Variants in AMIGO1 observed in about 807,000 individuals in gnomAD.
AMIGO1 encodes adhesion molecule with Ig like domain 1, also known as amphoterin-induced protein 1.
For missense variants in AMIGO1, 361 were observed against 612.3 expected (o/e 0.59, Z 4.33); for synonymous variants, 249 against 266.3 (o/e 0.93, Z 0.63).
chr1:109,505,327 G>C lies in AMIGO1; in HGVS notation c.*2104C>G, dbSNP rs1375170640. ...TCAGTGCCATGGAGATGTGGGTGAA[G>C]CTTCAGGGAGTTCAGAAATGAAAAT... On this transcript the variant is annotated 3_prime_UTR_variant, in exon 2 of 2. Coordinates refer to ENST00000369864, the MANE Select transcript of AMIGO1 (RefSeq NM_020703.4). The C allele has an allele frequency of 6.6e-6, 1 of 152,324 alleles. No individual in the cohort carries two copies. Among genetic ancestry groups the C allele is most frequent in the Non-Finnish European group, 1.5e-5 (1 of 68,036 alleles). The allele number at this position is 152,324 out of a possible 1,614,324, so 9.4% of individuals were successfully genotyped here.
Position 109,505,143 on chromosome 1 carries a change from T to A in AMIGO1, c.*2288A>T, listed in dbSNP as rs1460558173. 6.6e-6 allele frequency: 1 copy of A among 152,252 alleles called. No individual in the cohort carries two copies. The highest frequency in any genetic ancestry group is 1.5e-5 in the Non-Finnish European group (1 of 68,046). The allele number at this position is 152,252 out of a possible 1,614,324, so 9.4% of individuals were successfully genotyped here. Reference sequence around the variant, plus strand: ...GCCAGTTTCCTTCTGAGTCCTTCAATGACCTAGTTCTATCTTAATTGCTCA... The same window carrying A: ...GCCAGTTTCCTTCTGAGTCCTTCAAAGACCTAGTTCTATCTTAATTGCTCA... On this transcript the variant is annotated 3_prime_UTR_variant, in exon 2 of 2. Coordinates refer to ENST00000369864, the MANE Select transcript of AMIGO1 (RefSeq NM_020703.4).
rs149188606 is a variant in AMIGO1 at position 109,507,708 on chromosome 1, C to T, written c.1205G>A (p.Gly402Asp). The T allele has an allele frequency of 1.4e-4, 221 of 1,614,034 alleles. 1 individual carries two copies. The highest frequency in any genetic ancestry group is 1.7e-4 in the Non-Finnish European group (198 of 1,180,044). ...YLTPCRCWCR[G>D]VEKPSSHQGD... ...TTGATGGCTGGAAGGCTTCTCTACA[C>T]CCCGGCACCAGCAGCGGCAAGGGGT... is the stretch of plus-strand genomic sequence containing the variant. Residue 402 changes from glycine to aspartate, a missense_variant, in exon 2 of 2, where the codon GGT becomes GAT. Transcript: ENST00000369864. The surrounding 1 kb of genome is among the most constrained non-coding windows in gnomAD (Gnocchi z 4.7).
Position 109,507,272 on chromosome 1 carries a change from C to T in AMIGO1, c.*159G>A. 1 of 1,020,800 alleles carries T rather than the reference C, an allele frequency of 9.8e-7. No individual in the cohort carries two copies. Among genetic ancestry groups the T allele is most frequent in the Non-Finnish European group, 1.4e-6 (1 of 710,944 alleles). 63.2% of individuals were successfully genotyped at this position (1,020,800 alleles called of 1,614,324 possible). A position where few individuals can be genotyped will look rare whatever the true frequency, so the allele number is the denominator to read the frequency against. On this transcript the variant is annotated 3_prime_UTR_variant, in exon 2 of 2. Coordinates refer to ENST00000369864, the MANE Select transcript of AMIGO1 (RefSeq NM_020703.4). This position sits in a 1 kb window ranked among gnomAD's most constrained non-coding sequence, Gnocchi z 4.7. ...ATTTGAAAATCGTGGCAGCCACGCC[C>T]TGTTTGGGGTCTTGCTCTCTGTTGT... is the stretch of plus-strand genomic sequence containing the variant.
At chr1:109,509,386 G>T (rs1304000160) in intron 1 of AMIGO1, 34 bp downstream of exon 1, 2 of 160,106 alleles carry the variant, frequency 1.2e-5, no homozygotes, top group African/African-American at 4.8e-5. Flanking sequence ...GGCCTGTAGG[G>T]GCGGGCTCCC....
chr1:109,509,018 G>A lies in AMIGO1; in HGVS notation c.-87-19C>T. 1 of 1,321,730 alleles carries A rather than the reference G, an allele frequency of 7.6e-7. No individual in the cohort carries two copies. Among genetic ancestry groups the A allele is most frequent in the Non-Finnish European group, 1.0e-6 (1 of 984,908 alleles). 81.9% of individuals were successfully genotyped at this position (1,321,730 alleles called of 1,614,324 possible). ...AGGGTCACTTGAGAGAAAGAGGATG[G>A]GTTTGTGGTCACCAAGGACTCCAGA... is the stretch of plus-strand genomic sequence containing the variant. On this transcript the variant is annotated intron_variant, in intron 1 of 1. Coordinates refer to ENST00000369864, the MANE Select transcript of AMIGO1 (RefSeq NM_020703.4).
rs1658115609 is a variant in AMIGO1 at position 109,509,515 on chromosome 1, C to G, written c.-183G>C. ...CTCACCGGCCGGCCTGTCACTGCGC[C>G]CACCTTACGCAGGGGCCCGCGCCCG... On this transcript the variant is annotated 5_prime_UTR_variant, in exon 1 of 2. Coordinates refer to ENST00000369864, the MANE Select transcript of AMIGO1 (RefSeq NM_020703.4). The G allele has an allele frequency of 6.6e-6, 1 of 152,204 alleles. No homozygotes were observed. Among genetic ancestry groups the G allele is most frequent in the Admixed American group, 6.5e-5 (1 of 15,276 alleles). 9.4% of individuals were successfully genotyped at this position (152,204 alleles called of 1,614,324 possible).
chr1:109,508,856 C>T lies in AMIGO1; in HGVS notation c.57G>A (p.Leu19=), dbSNP rs771234042. The change falls in exon 2 of 2, where the codon CTG becomes CTA. Residue 19 remains leucine (L), a synonymous_variant. Coordinates refer to ENST00000369864, the MANE Select transcript of AMIGO1 (RefSeq NM_020703.4). The surrounding 1 kb of genome is among the most constrained non-coding windows in gnomAD (Gnocchi z 7.8). ...CAGCTCTGGCCACCTCAAAAAGCAG[C>T]AGGGACAAGGACGGCAGCAGGAGCC... ...GLWLLLPSLS[L]LLFEVARAGR... 1 of 1,610,422 alleles carries T rather than the reference C, an allele frequency of 6.2e-7. No homozygotes were observed. The highest frequency in any genetic ancestry group is 1.1e-5 in the South Asian group (1 of 90,574).
At position 109,508,764 on chromosome 1, in the gene AMIGO1, T is replaced by C; in HGVS notation, c.149A>G (p.Gln50Arg). 2 of 1,614,034 alleles carry C rather than the reference T, an allele frequency of 1.2e-6. No individual in the cohort carries two copies. The highest frequency in any genetic ancestry group is 2.2e-5 in the East Asian group (1 of 44,866). The change falls in exon 2 of 2, where the codon CAG becomes CGG. Residue 50 changes from glutamine (Q) to arginine (R), a missense_variant. Coordinates refer to ENST00000369864, the MANE Select transcript of AMIGO1 (RefSeq NM_020703.4). This position sits in a 1 kb window ranked among gnomAD's most constrained non-coding sequence, Gnocchi z 7.8. ...GGAATGGGGCACATTGGGCAGCTGC[T>C]GCTTGGAGCAGCTGAGGATGTTGCT... is the stretch of plus-strand genomic sequence containing the variant. ...CASNILSCSKQQLPNVPHSLP... is the reference protein window; with the variant it reads ...CASNILSCSKRQLPNVPHSLP...
chr1:109,505,418 T>G lies in AMIGO1; in HGVS notation c.*2013A>C. ...TCTCCTAAAGAGGAATACAATTGTG[T>G]GCATGAAGTTGTGCACATTGGTGGA... On this transcript the variant is annotated 3_prime_UTR_variant, in exon 2 of 2. Coordinates refer to ENST00000369864, the MANE Select transcript of AMIGO1 (RefSeq NM_020703.4). The G allele has an allele frequency of 6.6e-6, 1 of 152,202 alleles. No homozygotes were observed. The allele number at this position is 152,202 out of a possible 1,614,324, so 9.4% of individuals were successfully genotyped here. A position where few individuals can be genotyped will look rare whatever the true frequency, so the allele number is the denominator to read the frequency against.
Position 109,508,715 on chromosome 1 carries a change from C to T in AMIGO1, c.198G>A (p.Leu66=). Residue 66 remains leucine, a synonymous_variant, in exon 2 of 2, where the codon CTG becomes CTA. Transcript: ENST00000369864. The surrounding 1 kb of genome is among the most constrained non-coding windows in gnomAD (Gnocchi z 7.8). ...PHSLPSYTAL[L]DLSHNNLSRL... is the part of the protein sequence containing the mutation. The stretch of plus-strand genomic sequence containing the variant: ...GGCTCAGGTTGTTGTGACTGAGGTC[C>T]AGTAGTGCTGTGTAACTGGGCAAGG... The T allele has an allele frequency of 1.9e-6, 3 of 1,613,994 alleles. No individual in the cohort carries two copies. The highest frequency in any genetic ancestry group is 2.5e-6 in the Non-Finnish European group (3 of 1,179,978).
In AMIGO1 at chr1:109,508,804, C is replaced by G. The variant is rs767189663; in HGVS notation, c.109G>C (p.Ala37Pro). The G allele has an allele frequency of 1.7e-5, 27 of 1,613,810 alleles. No individual in the cohort carries two copies. Among genetic ancestry groups the G allele is most frequent in the Non-Finnish European group, 2.3e-5 (27 of 1,179,978 alleles). The change falls in exon 2 of 2, where the codon GCC (alanine) becomes CCC (proline). Residue 37 changes from alanine to proline, a missense_variant. Coordinates refer to ENST00000369864, the MANE Select transcript of AMIGO1 (RefSeq NM_020703.4). The surrounding 1 kb of genome is among the most constrained non-coding windows in gnomAD (Gnocchi z 7.8). ...AGGATGTTGCTGGCGCACAAGCAGGCGGCAGGACAGCTAACCACGGCTCGG... is the reference window on the plus strand; with the variant it reads ...AGGATGTTGCTGGCGCACAAGCAGGGGGCAGGACAGCTAACCACGGCTCGG... The part of the protein sequence containing the change: ...AGRAVVSCPA[A>P]CLCASNILSC...
In AMIGO1 at chr1:109,507,241, A is replaced by AC; in HGVS notation, c.*189dup. ...GTAGCATTTGCCTGAGGATTAATAT[A>AC]CCCCCATTTGAAAATCGTGGCAGCC... On this transcript the variant is annotated 3_prime_UTR_variant, in exon 2 of 2. Coordinates refer to ENST00000369864, the MANE Select transcript of AMIGO1 (RefSeq NM_020703.4). This position sits in a 1 kb window ranked among gnomAD's most constrained non-coding sequence, Gnocchi z 4.7. 1.5e-6 allele frequency: 1 copy of AC among 667,070 alleles called. No individual in the cohort carries two copies. Among genetic ancestry groups the AC allele is most frequent in the East Asian group, 2.8e-5 (1 of 35,472 alleles). The allele number at this position is 667,070 out of a possible 1,614,324, so 41.3% of individuals were successfully genotyped here.
In AMIGO1 at chr1:109,507,219, G is replaced by A; in HGVS notation, c.*212C>T. The A allele has an allele frequency of 1.7e-6, 1 of 586,410 alleles. No individual in the cohort carries two copies. The highest frequency in any genetic ancestry group is 2.9e-6 in the Non-Finnish European group (1 of 340,680). 36.3% of individuals were successfully genotyped at this position (586,410 alleles called of 1,614,324 possible). On this transcript the variant is annotated 3_prime_UTR_variant, in exon 2 of 2. Coordinates refer to ENST00000369864, the MANE Select transcript of AMIGO1 (RefSeq NM_020703.4). This position sits in a 1 kb window ranked among gnomAD's most constrained non-coding sequence, Gnocchi z 4.7. ...TGGCAGGGCTTTGGGTACGGGTGTA[G>A]CATTTGCCTGAGGATTAATATACCC...
In AMIGO1 at chr1:109,505,044, G is replaced by C. The variant is rs183832046; in HGVS notation, c.*2387C>G. The C allele has an allele frequency of 6.6e-6, 1 of 152,284 alleles. No homozygotes were observed. The highest frequency in any genetic ancestry group is 1.9e-4 in the East Asian group (1 of 5,184). 9.4% of individuals were successfully genotyped at this position (152,284 alleles called of 1,614,324 possible). A position where few individuals can be genotyped will look rare whatever the true frequency, so the allele number is the denominator to read the frequency against. On this transcript the variant is annotated 3_prime_UTR_variant, in exon 2 of 2. Transcript: ENST00000369864. The stretch of plus-strand genomic sequence containing the variant: ...AGTAACAAAATTCTCAGGAGTCTCT[G>C]GAATAAATCAAGACAACTTTTCTCT...
Position 109,508,705 on chromosome 1 carries a change from G to A in AMIGO1, c.208C>T (p.His70Tyr), listed in dbSNP as rs556802314. Residue 70 changes from histidine to tyrosine, a missense_variant, in exon 2 of 2, where the codon CAC becomes TAC. Coordinates refer to ENST00000369864, the MANE Select transcript of AMIGO1 (RefSeq NM_020703.4). This position sits in a 1 kb window ranked among gnomAD's most constrained non-coding sequence, Gnocchi z 7.8. ...PSYTALLDLS[H>Y]NNLSRLRAEW... The stretch of plus-strand genomic sequence containing the variant: ...GCCCGCAGGCGGCTCAGGTTGTTGT[G>A]ACTGAGGTCCAGTAGTGCTGTGTAA... The A allele has an allele frequency of 2.4e-4, 380 of 1,614,122 alleles. 5 individuals carry two copies. Among genetic ancestry groups the A allele is most frequent in the South Asian group, 2.3e-3 (212 of 91,072 alleles).
In AMIGO1 at chr1:109,508,470, G is replaced by A. The variant is rs371766167; in HGVS notation, c.443C>T (p.Ala148Val). ...GTCATCGAAGGCGCACCGGTCCACC[G>A]CCATGATGTGGTTATTGTAGAGCAG... ...VLLLYNNHIM[A>V]VDRCAFDDMA... The change falls in exon 2 of 2, where the codon GCG becomes GTG. Residue 148 changes from alanine to valine, a missense_variant. Coordinates refer to ENST00000369864, the MANE Select transcript of AMIGO1 (RefSeq NM_020703.4). The surrounding 1 kb of genome is among the most constrained non-coding windows in gnomAD (Gnocchi z 7.8). 2.3e-5 allele frequency: 37 copies of A among 1,614,034 alleles called. No homozygotes were observed. The highest frequency in any genetic ancestry group is 2.8e-5 in the Non-Finnish European group (33 of 1,180,060).
In AMIGO1 at chr1:109,508,805, G is replaced by A. The variant is rs985026706; in HGVS notation, c.108C>T (p.Ala36=). Residue 36 remains alanine (A), a synonymous_variant, in exon 2 of 2, where the codon GCC becomes GCT. Transcript: ENST00000369864. This position sits in a 1 kb window ranked among gnomAD's most constrained non-coding sequence, Gnocchi z 7.8. ...RAGRAVVSCP[A]ACLCASNILS... is the part of the protein sequence containing the mutation. The stretch of plus-strand genomic sequence containing the variant: ...GGATGTTGCTGGCGCACAAGCAGGC[G>A]GCAGGACAGCTAACCACGGCTCGGC... The A allele has an allele frequency of 1.9e-6, 3 of 1,614,010 alleles. No homozygotes were observed. The highest frequency in any genetic ancestry group is 2.5e-6 in the Non-Finnish European group (3 of 1,179,982).
At position 109,504,540 on chromosome 1, in the gene AMIGO1, A is replaced by T. The variant is rs1657970121; in HGVS notation, c.*2891T>A. On this transcript the variant is annotated 3_prime_UTR_variant, in exon 2 of 2. Transcript: ENST00000369864. ...CATGTCTGGTTTATGGGTGTGGGGTAGGGTAAGAGGAGGTGGTGATCTCTC... is the reference window on the plus strand; with the variant it reads ...CATGTCTGGTTTATGGGTGTGGGGTTGGGTAAGAGGAGGTGGTGATCTCTC... 1 of 152,174 alleles carries T rather than the reference A, an allele frequency of 6.6e-6. No homozygotes were observed. Among genetic ancestry groups the T allele is most frequent in the Admixed American group, 6.5e-5 (1 of 15,274 alleles). 9.4% of individuals were successfully genotyped at this position (152,174 alleles called of 1,614,324 possible). A position where few individuals can be genotyped will look rare whatever the true frequency, so the allele number is the denominator to read the frequency against.
Position 109,505,905 on chromosome 1 carries a change from G to A in AMIGO1, c.*1526C>T, listed in dbSNP as rs3738773. 44,608 of 152,034 alleles carry A rather than the reference G, an allele frequency of 0.29. 6,695 individuals carry two copies. The highest frequency in any genetic ancestry group is 0.32 in the African/African-American group (13,395 of 41,434). 9.4% of individuals were successfully genotyped at this position (152,034 alleles called of 1,614,324 possible). A position where few individuals can be genotyped will look rare whatever the true frequency, so the allele number is the denominator to read the frequency against. ...AGCAGCCACTCACAGGGCATGCAGTGTAGTCAAAGGGAAAGGTTAAAGGGA... is the reference window on the plus strand; with the variant it reads ...AGCAGCCACTCACAGGGCATGCAGTATAGTCAAAGGGAAAGGTTAAAGGGA... On this transcript the variant is annotated 3_prime_UTR_variant, in exon 2 of 2. Transcript: ENST00000369864.
Sources: allele counts gnomAD v4.1 joint callset, GRCh38; gene constraint gnomAD v4.1.1; non-coding constraint Gnocchi (gnomAD v3.1); transcripts MANE v1.5; gene names NCBI Gene and HGNC (gene_info 2026-07-23, HGNC 2026-07-21).